Variants in RIPOR2 observed in about 807,000 individuals in gnomAD.
The protein encoded by RIPOR2 is RHO family interacting cell polarization regulator 2, also known as rho family-interacting cell polarization regulator 2.
A neutral mutation model predicts 114.5 loss-of-function variants in RIPOR2; 39 were observed. The ratio of observed to expected loss-of-function variants is 0.34; its 90% confidence interval spans 0.26 to 0.44. The LOEUF is 0.44. Ranked by LOEUF, RIPOR2 falls within the 20% of genes least tolerant of loss-of-function variation. The probability of loss-of-function intolerance (pLI) is 1.00; values close to 1 mark genes in which losing one functional copy is unlikely to be tolerated. For missense variants in RIPOR2, 1,007 were observed against 1,255.1 expected, an observed-to-expected ratio of 0.80 and a Z score of 2.99; for synonymous variants, 445 against 484.4, an observed-to-expected ratio of 0.92 and a Z score of 1.07.
chr6:24,845,695 A>C, intron 12 of RIPOR2, among the ~76,000 whole-genome samples: 1 of 152,198 alleles, frequency 6.6e-6, no homozygotes, highest in East Asian at 1.9e-4. Flanking sequence ...GTCTAACAAC[A>C]AGCACACAAC....
upstream of RIPOR2, among the ~76,000 whole-genome samples, chr6:24,940,641 A>C (rs1772076964): frequency 6.6e-6 from 1 of 151,998 alleles, no homozygotes; most frequent in African/African-American, 2.4e-5. Flanking sequence ...GCTGGGACAA[A>C]AGGAATACGA....
intron 1 of RIPOR2, among the ~76,000 whole-genome samples, chr6:24,942,505 T>A (rs1772188482): frequency 6.6e-6 from 1 of 152,184 alleles, no homozygotes; most frequent in Non-Finnish European, 1.5e-5. Context: ...TCCACAATGG[T>A]TGAACTAGTT....
At chr6:24,974,624 A>G (rs1320602111) in intron 1 of RIPOR2, among the ~76,000 whole-genome samples, 2 of 152,236 alleles carry the variant, frequency 1.3e-5, no homozygotes, top group African/African-American at 4.8e-5. Flanking sequence ...AAAAGGTACC[A>G]TAGCACTCAG....
At chr6:24,895,261 GGCTGGTCTCGAACTCCTGACCT>G (rs1182267607) in intron 1 of RIPOR2, among the ~76,000 whole-genome samples, 5 of 152,096 alleles carry the variant, frequency 3.3e-5, no homozygotes, top group African/African-American at 1.2e-4. Context: ...ATGTTGGTCA[GGCTGGTCTCGAACTCCTGACCT>G]CATGATCCGC....
intron 1 of RIPOR2, among the ~76,000 whole-genome samples, chr6:25,022,050 T>A (rs1455766062): frequency 1.3e-5 from 2 of 152,202 alleles, no homozygotes; most frequent in African/African-American, 4.8e-5. Flanking sequence ...AATGAACCCA[T>A]CACTTTGATG....
At position 24,997,068 on chromosome 6, in the gene RIPOR2, A is replaced by G. The variant is rs554516618; in HGVS notation, c.76+44783T>C. Among the ~76,000 whole-genome samples the G allele has an allele frequency of 2.2e-4, 33 of 152,342 alleles. No homozygotes were observed. The South Asian group carries it at 6.4e-3, about 30-fold the overall frequency. ...AAATGTGAATTACTAACTAGCGAGG[A>G]TGGAGTCCAATGATTTTCAACCTTG... On this transcript the variant is annotated intron_variant, in intron 1 of 13. Coordinates refer to the RIPOR2 transcript ENST00000510784.
intron 1 of RIPOR2, among the ~76,000 whole-genome samples, chr6:24,879,947 T>C (rs1226723831): frequency 1.3e-5 from 2 of 152,176 alleles, no homozygotes; most frequent in Non-Finnish European, 2.9e-5. Context: ...TCTGCCAGAG[T>C]AATCTGCATT....
intron 8 of RIPOR2, among the ~76,000 whole-genome samples, chr6:24,853,933 T>C (rs1581605344): frequency 6.6e-6 from 1 of 151,680 alleles, no homozygotes; most frequent in East Asian, 1.9e-4. Context: ...CTGGGCAACA[T>C]AGTGAGACCT....
At chr6:24,849,276 C>T (rs1211943727) in intron 11 of RIPOR2, among the ~76,000 whole-genome samples, 1 of 152,094 alleles carries the variant, frequency 6.6e-6, no homozygotes, top group African/African-American at 2.4e-5. Flanking sequence ...AAGTTCATTG[C>T]TTTGAAAAAA....
intron 1 of RIPOR2, among the ~76,000 whole-genome samples, chr6:24,982,278 AT>A (rs1381912191): frequency 6.6e-6 from 1 of 152,252 alleles, no homozygotes; most frequent in African/African-American, 2.4e-5. Flanking sequence ...AAATAAAGGA[AT>A]AATAGTTTTG....
At chr6:24,951,515 C>T (rs988526516) in intron 1 of RIPOR2, among the ~76,000 whole-genome samples, 3 of 152,098 alleles carry the variant, frequency 2.0e-5, no homozygotes, top group Admixed American at 6.6e-5. Flanking sequence ...AAGAGAATTC[C>T]GAAGCAACTG....
intron 1 of RIPOR2, among the ~76,000 whole-genome samples, chr6:25,028,668 T>G (rs1182887996): frequency 2.6e-5 from 4 of 152,240 alleles, no homozygotes; most frequent in African/African-American, 9.6e-5. Flanking sequence ...AGCTTCAGTT[T>G]CCACATAAGA....
At chr6:25,030,186 G>A (rs1776853526) in intron 1 of RIPOR2, among the ~76,000 whole-genome samples, 1 of 152,138 alleles carries the variant, frequency 6.6e-6, no homozygotes, top group Non-Finnish European at 1.5e-5. Flanking sequence ...TTTCTGTACA[G>A]GTTGTATAAT....
chr6:24,993,478 T>C (rs1774922719), intron 1 of RIPOR2, among the ~76,000 whole-genome samples: 1 of 152,236 alleles, frequency 6.6e-6, no homozygotes, highest in South Asian at 2.1e-4. Context: ...TGAGTGTCAT[T>C]ATGTGTGAGA....
chr6:24,829,289 G>A (rs1216851157), intron 17 of RIPOR2, among the ~76,000 whole-genome samples: 2 of 151,738 alleles, frequency 1.3e-5, no homozygotes, highest in African/African-American at 2.4e-5. Flanking sequence ...ACTCCGGCCT[G>A]GGCAACAGAG....
chr6:24,924,008 G>A (rs750922310), intron 1 of RIPOR2, among the ~76,000 whole-genome samples: 24 of 152,090 alleles, frequency 1.6e-4, no homozygotes, highest in Non-Finnish European at 2.9e-4. Flanking sequence ...TGCTTTTAGC[G>A]CTCTCCTGTC....
chr6:24,818,533 G>A lies in RIPOR2; in HGVS notation c.2952+9C>T, dbSNP rs201973235. Reference sequence around the variant, plus strand: ...GAGCTGCCAGGGGAGCTCCAAGGCTGGGCTTTACCTCAAGGATTTTCAGAG... The same window carrying A: ...GAGCTGCCAGGGGAGCTCCAAGGCTAGGCTTTACCTCAAGGATTTTCAGAG... On this transcript the variant is annotated intron_variant, in intron 20 of 21. Transcript: ENST00000643898. 449 of 1,541,434 alleles carry A rather than the reference G, an allele frequency of 2.9e-4. 1 individual carries two copies. The highest frequency in any genetic ancestry group is 2.0e-4 in the East Asian group (8 of 40,762).
intron 1 of RIPOR2, among the ~76,000 whole-genome samples, chr6:24,880,848 A>G (rs1766273315): frequency 6.6e-6 from 1 of 152,200 alleles, no homozygotes; most frequent in African/African-American, 2.4e-5. Context: ...ACTCCTGGTA[A>G]CATGCACTAT....
intron 1 of RIPOR2, chr6:24,876,884 A>G: frequency 6.2e-6 from 5 of 804,070 alleles, no homozygotes; most frequent in Non-Finnish European, 7.5e-6. Context: ...TAGTTCCCCC[A>G]AAGGATGACC....
Sources: allele counts gnomAD v4.1 joint callset (sites outside exome capture counted in the v4.1 genomes callset), GRCh38; gene constraint gnomAD v4.1.1; transcripts MANE v1.5; gene names NCBI Gene and HGNC (gene_info 2026-07-23, HGNC 2026-07-21).